Variants in RAVER2 observed in about 807,000 individuals in gnomAD.
RAVER2 encodes the protein ribonucleoprotein PTB-binding 2.
In RAVER2, 46 loss-of-function variants were observed where a neutral mutation model predicts 78.1. That is an observed-to-expected ratio of 0.59 (90% CI 0.46 to 0.75). RAVER2 has a LOEUF of 0.75. RAVER2 is among the 30% of genes least tolerant of loss of function. The pLI, the probability that RAVER2 is intolerant of heterozygous loss-of-function variation, is 0.00. For missense variants in RAVER2, 793 were observed against 837.5 expected (o/e 0.95, Z 0.66); for synonymous variants, 311 against 313.3 (o/e 0.99, Z 0.08).
chr1:64,794,876 A>G (rs1385733941), intron 5 of RAVER2, among the ~76,000 whole-genome samples: 1 of 152,054 alleles, frequency 6.6e-6, no homozygotes, highest in African/African-American at 2.4e-5. Flanking sequence ...GTCATATTTG[A>G]GAAATCTTTG....
In RAVER2 at chr1:64,777,979, T is replaced by C. The variant is rs779316636; in HGVS notation, c.673T>C (p.Ser225Pro). 6.8e-6 allele frequency: 11 copies of C among 1,614,130 alleles called. No individual in the cohort carries two copies. In the South Asian group the frequency reaches 1.1e-4, roughly 16 times the overall value. Residue 225 changes from serine (S) to proline (P), a missense_variant, in exon 3 of 12, where the codon TCA becomes CCA. Physicochemically the swap from Ser to Pro is moderately conservative, Grantham distance 74. Coordinates refer to ENST00000294428, the Ensembl canonical transcript of RAVER2. ...ATGGATGGATGTTAATCTATTGGCT[T>C]CAGAGCTCATTCATTCTAAGTGCCT... is the stretch of plus-strand genomic sequence containing the variant.
intron 5 of RAVER2, among the ~76,000 whole-genome samples, chr1:64,802,201 G>C (rs12123592): frequency 0.059 from 9,020 of 152,248 alleles, 320 homozygotes; most frequent in Non-Finnish European, 0.086. Flanking sequence ...ATTGCACCTT[G>C]TTTTATTAGC....
intron 8 of RAVER2, among the ~76,000 whole-genome samples, chr1:64,805,565 A>C (rs1653394770): frequency 2.6e-5 from 4 of 152,224 alleles, no homozygotes; most frequent in Non-Finnish European, 5.9e-5. Flanking sequence ...TGTGTGTACT[A>C]TGTGCTTCTA....
chr1:64,788,651 GC>G (rs1041716286), intron 4 of RAVER2, among the ~76,000 whole-genome samples: 2 of 151,698 alleles, frequency 1.3e-5, no homozygotes, highest in African/African-American at 2.4e-5. Context: ...AATTAGCCAG[GC>G]GTTGTGGCGG....
intron 4 of RAVER2, among the ~76,000 whole-genome samples, chr1:64,788,005 A>C (rs999366494): frequency 6.6e-6 from 1 of 152,170 alleles, no homozygotes; most frequent in Non-Finnish European, 1.5e-5. Context: ...CTCATAGCTG[A>C]AAGTTTTTAA....
At chr1:64,811,780 G>T (rs1653614408) in intron 9 of RAVER2, among the ~76,000 whole-genome samples, 1 of 152,158 alleles carries the variant, frequency 6.6e-6, no homozygotes, top group Non-Finnish European at 1.5e-5. Flanking sequence ...GGGTAGACAA[G>T]GGTTATACAT....
intron 11 of RAVER2, among the ~76,000 whole-genome samples, chr1:64,823,505 A>T (rs1653934593): frequency 6.6e-6 from 1 of 152,232 alleles, no homozygotes; most frequent in Admixed American, 6.5e-5. Flanking sequence ...AATCCTGTCA[A>T]TATGAATGTA....
intron 1 of RAVER2, among the ~76,000 whole-genome samples, chr1:64,746,617 C>T (rs373925116): frequency 1.3e-5 from 2 of 152,272 alleles, no homozygotes; most frequent in African/African-American, 4.8e-5. Flanking sequence ...GAACATATAA[C>T]CTTATAACCC....
intron 2 of RAVER2, among the ~76,000 whole-genome samples, chr1:64,772,520 G>A (rs914989880): frequency 5.9e-5 from 9 of 152,036 alleles, no homozygotes; most frequent in Non-Finnish European, 1.0e-4. Flanking sequence ...AATAGATTAC[G>A]ATGTGATGTG....
chr1:64,830,325 C>CT (rs1368821187), intron 11 of RAVER2, among the ~76,000 whole-genome samples: 1 of 152,208 alleles, frequency 6.6e-6, no homozygotes, highest in Non-Finnish European at 1.5e-5. Flanking sequence ...GACCAAAGCT[C>CT]TGAGTTTCCC....
chr1:64,812,362 CAAAAAAA>C (rs61411897), intron 9 of RAVER2, among the ~76,000 whole-genome samples: 3 of 70,054 alleles, frequency 4.3e-5, no homozygotes, highest in Admixed American at 1.8e-4. Flanking sequence ...ATTCCATCTC[CAAAAAAA>C]AAAAAAAAAA....
chr1:64,752,694 C>T (rs1371399874), intron 1 of RAVER2, among the ~76,000 whole-genome samples: 3 of 151,976 alleles, frequency 2.0e-5, no homozygotes, highest in African/African-American at 7.2e-5. Flanking sequence ...TTCCCTTTTT[C>T]GAGAGGGATT....
At position 64,745,163 on chromosome 1, in the gene RAVER2, G is replaced by C; in HGVS notation, c.-10G>C. ...TCCGAGGAGTCCGCAGCCGCTGGGC[G>C]CCCGGGAAGATGGCGGCGGCGGCGG... On this transcript the variant is annotated 5_prime_UTR_variant, in exon 1 of 12. Transcript: ENST00000294428. The surrounding 1 kb of genome is among the most constrained non-coding windows in gnomAD (Gnocchi z 4.3). The C allele has an allele frequency of 9.8e-7, 1 of 1,018,058 alleles. No homozygotes were observed. Among genetic ancestry groups the C allele is most frequent in the Middle Eastern group, 4.8e-4 (1 of 2,066 alleles). The allele number at this position is 1,018,058 out of a possible 1,614,324, so 63.1% of individuals were successfully genotyped here.
At chr1:64,831,146 T>C (rs1654117740) in exon 12 of RAVER2, 2 of 657,410 alleles carry the variant, frequency 3.0e-6, no homozygotes, top group Non-Finnish European at 4.7e-6. Context: ...AAATAAAAAA[T>C]AGCAATAAGA....
chr1:64,763,954 A>ACACC (rs1186925233), intron 1 of RAVER2, among the ~76,000 whole-genome samples: 36 of 149,144 alleles, frequency 2.4e-4, no homozygotes, highest in African/African-American at 4.2e-4. Flanking sequence ...ACACACACAC[A>ACACC]CCCCTACCAT....
chr1:64,809,314 T>G (rs1418169286), intron 9 of RAVER2, among the ~76,000 whole-genome samples: 1 of 152,134 alleles, frequency 6.6e-6, no homozygotes, highest in East Asian at 1.9e-4. Flanking sequence ...GATCCCTCTT[T>G]CTGTCAGTAG....
At chr1:64,806,551 A>G (rs1031589645) in intron 8 of RAVER2, among the ~76,000 whole-genome samples, 2 of 152,236 alleles carry the variant, frequency 1.3e-5, no homozygotes, top group African/African-American at 2.4e-5. Context: ...TGATATGCTG[A>G]TAAGTGTTTA....
chr1:64,751,869 T>C, intron 1 of RAVER2, among the ~76,000 whole-genome samples: 1 of 152,222 alleles, frequency 6.6e-6, no homozygotes, highest in African/African-American at 2.4e-5. Context: ...AATAAAATTA[T>C]TTATATATTT....
intron 8 of RAVER2, among the ~76,000 whole-genome samples, chr1:64,806,488 C>G (rs1263062809): frequency 6.6e-6 from 1 of 152,252 alleles, no homozygotes; most frequent in African/African-American, 2.4e-5. Context: ...ATAAAACTTT[C>G]ATGTATTTAG....
Sources: allele counts gnomAD v4.1 joint callset (sites outside exome capture counted in the v4.1 genomes callset), GRCh38; gene constraint gnomAD v4.1.1; non-coding constraint Gnocchi (gnomAD v3.1); transcripts MANE v1.5; gene names NCBI Gene and HGNC (gene_info 2026-07-23, HGNC 2026-07-21).